NTN4: variants seen among roughly 807,000 people sequenced by gnomAD.
The protein encoded by NTN4 is netrin 4, also known as netrin-4.
Under a neutral mutation model 73.6 loss-of-function variants are expected in NTN4, and 32 were observed. The ratio of observed to expected loss-of-function variants is 0.44; its 90% confidence interval spans 0.33 to 0.58. The LOEUF is 0.58. Among genes scored for constraint, NTN4 ranks in the 20% least tolerant of loss-of-function variants. NTN4 has a pLI of 0.04. For synonymous variants in NTN4, 258 were observed against 287.5 expected, an observed-to-expected ratio of 0.90 and a Z score of 1.04; for missense variants, 654 against 798.3, an observed-to-expected ratio of 0.82 and a Z score of 2.18.
Position 95,790,267 on chromosome 12 carries a change from C to T in NTN4, c.43G>A (p.Val15Met), listed in dbSNP as rs1388867271. The change falls in exon 1 of 10, where the codon GTG becomes ATG. Residue 15 changes from valine to methionine, a missense_variant. By Grantham distance (21) the Val-to-Met change is conservative (BLOSUM62 1). Coordinates refer to ENST00000343702, the MANE Select transcript of NTN4 (RefSeq NM_021229.4). This position sits in a 1 kb window ranked among gnomAD's most constrained non-coding sequence, Gnocchi z 6.5. ...CGTCACCACCCACCTGCGGCCACCA[C>T]CGTGCAGCCCCAGAGCAGCAGCAGC... ...ARLLLLWGCT[V>M]VAAGLSGVAG... The T allele has an allele frequency of 3.9e-6, 6 of 1,536,452 alleles. No individual in the cohort carries two copies. Among genetic ancestry groups the T allele is most frequent in the African/African-American group, 1.4e-5 (1 of 70,756 alleles).
intron 3 of NTN4, among the ~76,000 whole-genome samples, chr12:95,731,054 T>C (rs2078733386): frequency 6.6e-6 from 1 of 152,228 alleles, no homozygotes; most frequent in Non-Finnish European, 1.5e-5. Context: ...AATTATTTAC[T>C]TTGTAGAATA....
At chr12:95,771,519 G>T (rs2079059184) in intron 2 of NTN4, among the ~76,000 whole-genome samples, 2 of 152,124 alleles carry the variant, frequency 1.3e-5, no homozygotes, top group South Asian at 4.1e-4. Context: ...GATTGTCAAA[G>T]TAGATGCTCT....
At chr12:95,761,954 C>G (rs1270371180) in intron 2 of NTN4, among the ~76,000 whole-genome samples, 2 of 151,980 alleles carry the variant, frequency 1.3e-5, no homozygotes, top group Non-Finnish European at 2.9e-5. Context: ...TATTTTATTA[C>G]CTCCTGTTTA....
Position 95,682,727 on chromosome 12 carries a change from A to G in NTN4, c.1490T>C (p.Phe497Ser). 6.2e-7 allele frequency: 1 copy of G among 1,613,014 alleles called. No individual in the cohort carries two copies. Among genetic ancestry groups the G allele is most frequent in the African/African-American group, 1.3e-5 (1 of 74,954 alleles). ...PAWEWEDAQG[F>S]SALLHSGKCE... Reference sequence around the variant, plus strand: ...CTCACCTGAGTGTAGAAGTGCAGAAAACCCCTGCGCATCCTCCCACTCCCA... The same window carrying G: ...CTCACCTGAGTGTAGAAGTGCAGAAGACCCCTGCGCATCCTCCCACTCCCA... The change falls in exon 7 of 10, where the codon TTT (phenylalanine) becomes TCT (serine). Residue 497 changes from phenylalanine to serine, a missense_variant. By Grantham distance (155) the Phe-to-Ser change is radical. Transcript: ENST00000343702.
At chr12:95,664,809 C>T (rs1404313849) in intron 9 of NTN4, among the ~76,000 whole-genome samples, 1 of 152,022 alleles carries the variant, frequency 6.6e-6, no homozygotes, top group African/African-American at 2.4e-5. Flanking sequence ...GATGGGGTTT[C>T]ACTGTGTTGG....
chr12:95,711,877 T>C (rs2078566984), intron 4 of NTN4, among the ~76,000 whole-genome samples: 1 of 152,186 alleles, frequency 6.6e-6, no homozygotes, highest in Non-Finnish European at 1.5e-5. Flanking sequence ...TTTGTGGAGG[T>C]CAAATGTATT....
intron 2 of NTN4, among the ~76,000 whole-genome samples, chr12:95,767,642 C>G (rs955084638): frequency 2.6e-5 from 4 of 152,200 alleles, no homozygotes; most frequent in Admixed American, 2.6e-4. Flanking sequence ...ATGCAACGAA[C>G]TCAGCATTGT....
intron 2 of NTN4, among the ~76,000 whole-genome samples, chr12:95,751,506 C>T (rs975826643): frequency 2.0e-5 from 3 of 152,150 alleles, no homozygotes; most frequent in Non-Finnish European, 4.4e-5. Flanking sequence ...GGGATTCCTC[C>T]TAAGCCGCAT....
intron 2 of NTN4, among the ~76,000 whole-genome samples, chr12:95,762,014 A>G (rs1417277945): frequency 6.6e-6 from 1 of 152,062 alleles, no homozygotes; most frequent in Non-Finnish European, 1.5e-5. Flanking sequence ...CATATATATT[A>G]TTCATATTAT....
At position 95,700,080 on chromosome 12, in the gene NTN4, A is replaced by ATTTTTT. The variant is rs56063223; in HGVS notation, c.1180+10355_1180+10360dup. On this transcript the variant is annotated intron_variant, in intron 5 of 9. Coordinates refer to ENST00000343702, the MANE Select transcript of NTN4 (RefSeq NM_021229.4). ...AACAGTGTATTCTTCTAAAGTGAGG[A>ATTTTTT]TTTTTTTTTTTTTTTTTTTTTTTTT... Among the ~76,000 whole-genome samples the ATTTTTT allele has an allele frequency of 1.1e-3, 47 of 41,820 alleles. 10 individuals carry two copies. The highest frequency in any genetic ancestry group is 1.3e-3 in the South Asian group (1 of 760). 27.4% of individuals were successfully genotyped at this position (41,820 alleles called of 152,430 possible).
At chr12:95,682,056 G>GGTTTTT (rs1349857597) in intron 7 of NTN4, among the ~76,000 whole-genome samples, 1 of 37,960 alleles carries the variant, frequency 2.6e-5, no homozygotes, top group East Asian at 1.1e-3. Context: ...TATTCAGTAG[G>GGTTTTT]CTTTTTTTTT....
intron 2 of NTN4, among the ~76,000 whole-genome samples, chr12:95,759,713 C>T (rs574025270): frequency 6.6e-6 from 1 of 152,194 alleles, no homozygotes; most frequent in East Asian, 1.9e-4. Context: ...CCACCTGCCT[C>T]AGTCTCCCAA....
intron 2 of NTN4, among the ~76,000 whole-genome samples, chr12:95,749,275 G>A (rs1235119419): frequency 6.6e-5 from 10 of 152,304 alleles, no homozygotes; most frequent in South Asian, 4.1e-4. Flanking sequence ...TCACATGGAC[G>A]CGCATGAAAT....
intron 2 of NTN4, among the ~76,000 whole-genome samples, chr12:95,767,928 G>A (rs1260930257): frequency 6.6e-6 from 1 of 152,174 alleles, no homozygotes; most frequent in Non-Finnish European, 1.5e-5. Flanking sequence ...CTGCCTGCCC[G>A]AGGATCTGTC....
intron 3 of NTN4, among the ~76,000 whole-genome samples, chr12:95,720,161 C>A (rs1411573593): frequency 6.6e-6 from 1 of 152,182 alleles, no homozygotes; most frequent in African/African-American, 2.4e-5. Flanking sequence ...AATGCACTTA[C>A]CCTCAGGAGG....
At chr12:95,700,814 C>CTT (rs71911993) in intron 5 of NTN4, among the ~76,000 whole-genome samples, 114 of 107,502 alleles carry the variant, frequency 1.1e-3, no homozygotes, top group African/African-American at 3.8e-3. Flanking sequence ...TTCTTTCTTT[C>CTT]TTTTTTTTTT....
At chr12:95,784,813 A>G (rs1038011911) in intron 2 of NTN4, among the ~76,000 whole-genome samples, 5 of 152,142 alleles carry the variant, frequency 3.3e-5, no homozygotes, top group African/African-American at 1.2e-4. Context: ...AAAAACACTT[A>G]TGAACTAGGT....
rs538571907 is a variant in NTN4, at chr12:95,713,194, C to T, written c.991+18G>A. On this transcript the variant is annotated intron_variant, in intron 4 of 9. Transcript: ENST00000343702. ...CTTTACAAAGAAAGCTTTTGAGTAT[C>T]GTGGGCTTGTTACTTACTTCTGCAC... 23 of 1,607,478 alleles carry T rather than the reference C, an allele frequency of 1.4e-5. No homozygotes were observed. Among genetic ancestry groups the T allele is most frequent in the South Asian group, 1.3e-4 (12 of 90,684 alleles).
At chr12:95,701,929 A>T (rs1311532014) in intron 5 of NTN4, among the ~76,000 whole-genome samples, 1 of 152,192 alleles carries the variant, frequency 6.6e-6, no homozygotes, top group African/African-American at 2.4e-5. Flanking sequence ...GAGGAAGAAC[A>T]TCATCAATTT....
Sources: gnomAD v4.1 joint callset for allele counts (sites outside exome capture counted in the v4.1 genomes callset) on GRCh38, gnomAD v4.1.1 for gene constraint, Gnocchi (gnomAD v3.1) non-coding constraint, MANE v1.5 for transcripts, NCBI Gene and HGNC (gene_info 2026-07-23, HGNC 2026-07-21) for gene names.